PHACTR1: variants seen among roughly 807,000 people sequenced by gnomAD.
The protein encoded by PHACTR1 is RPEL repeat containing 1.
A neutral mutation model predicts 69.2 loss-of-function variants in PHACTR1; 16 were observed. The ratio of observed to expected loss-of-function variants is 0.23; its 90% CI spans 0.16 to 0.35. The LOEUF (loss-of-function observed/expected upper bound fraction) is 0.35. PHACTR1 is among the 10% of genes least tolerant of loss of function. PHACTR1 has a pLI of 1.00. For synonymous variants in PHACTR1, 312 were observed against 284.5 expected (o/e 1.10, Z -0.97); for missense variants, 510 against 734.7 (o/e 0.69, Z 3.54).
Position 13,041,339 on chromosome 6 carries a change from T to TACACACACACACACACACAC in PHACTR1, c.251-12004_251-11985dup, listed in dbSNP as rs368368056. On this transcript the variant is annotated intron_variant, in intron 4 of 14. Transcript: ENST00000332995. The stretch of plus-strand genomic sequence containing the variant: ...AGCCACTGGTGGTAATTAAAATACA[T>TACACACACACACACACACAC]ACACACACACACACACACACACACA... 1.3e-4 allele frequency among the ~76,000 whole-genome samples: 18 copies of TACACACACACACACACACAC among 135,468 alleles called. No homozygotes were observed. The East Asian group carries it at 1.9e-3, about 14-fold the overall frequency. The allele number at this position is 135,468 out of a possible 152,430, so 88.9% of individuals were successfully genotyped here.
intron 5 of PHACTR1, among the ~76,000 whole-genome samples, chr6:13,089,200 C>T (rs1003957601): frequency 6.6e-6 from 1 of 152,186 alleles, no homozygotes; most frequent in Non-Finnish European, 1.5e-5. Flanking sequence ...CCCATCCCTC[C>T]ACCACAAGAA....
intron 8 of PHACTR1, 110 bp downstream of exon 8, chr6:13,206,246 G>A (rs1049301869): frequency 7.0e-6 from 8 of 1,141,414 alleles, no homozygotes; most frequent in Non-Finnish European, 9.6e-6. Flanking sequence ...CATCCCCACT[G>A]GGGGAAAATG....
intron 4 of PHACTR1, among the ~76,000 whole-genome samples, chr6:12,953,240 T>C (rs1427851374): frequency 6.6e-6 from 1 of 152,146 alleles, no homozygotes; most frequent in Admixed American, 6.5e-5. Context: ...GGAGAATCTC[T>C]TGAACCTGGA....
intron 6 of PHACTR1, among the ~76,000 whole-genome samples, chr6:13,175,372 T>C: frequency 6.6e-6 from 1 of 152,090 alleles, no homozygotes. Flanking sequence ...TCAGGCATCA[T>C]CCAACACAGT....
At chr6:12,895,190 T>C (rs1784541593) in intron 4 of PHACTR1, among the ~76,000 whole-genome samples, 1 of 146,494 alleles carries the variant, frequency 6.8e-6, no homozygotes, top group Non-Finnish European at 1.5e-5. Context: ...TTTTTTTTTT[T>C]TTTTTTTTGA....
intron 5 of PHACTR1, among the ~76,000 whole-genome samples, chr6:13,138,144 G>A (rs138143706): frequency 0.01 from 1,586 of 152,242 alleles, 14 homozygotes; most frequent in Non-Finnish European, 0.016. Context: ...CATACTGAAG[G>A]GCCTTAAGGG....
chr6:13,173,788 A>G (rs1760943116), intron 6 of PHACTR1, among the ~76,000 whole-genome samples: 1 of 152,160 alleles, frequency 6.6e-6, no homozygotes, highest in African/African-American at 2.4e-5. Flanking sequence ...GGCTCACTGC[A>G]ACCTCTGCCT....
intron 4 of PHACTR1, among the ~76,000 whole-genome samples, chr6:12,776,022 A>G (rs904253352): frequency 6.6e-6 from 1 of 152,370 alleles, no homozygotes; most frequent in Admixed American, 6.5e-5. Context: ...TCCAGTCTTA[A>G]GAGTCCACTC....
chr6:12,998,254 C>A (rs1797663534), intron 4 of PHACTR1, among the ~76,000 whole-genome samples: 1 of 152,030 alleles, frequency 6.6e-6, no homozygotes, highest in African/African-American at 2.4e-5. Flanking sequence ...TAAAGCAAAG[C>A]CTTGAAACTT....
At chr6:12,814,239 T>G (rs1215167607) in intron 4 of PHACTR1, among the ~76,000 whole-genome samples, 1 of 152,124 alleles carries the variant, frequency 6.6e-6, no homozygotes, top group Non-Finnish European at 1.5e-5. Flanking sequence ...GATAGTGTTG[T>G]GATGAAAGAG....
chr6:13,281,951 G>C (rs531347195), intron 12 of PHACTR1, among the ~76,000 whole-genome samples: 5 of 152,370 alleles, frequency 3.3e-5, no homozygotes, highest in Admixed American at 3.3e-4. Context: ...AGAGCTTCCT[G>C]CCTTTGGCTG....
At chr6:13,252,117 T>G (rs1774512394) in intron 10 of PHACTR1, among the ~76,000 whole-genome samples, 1 of 146,146 alleles carries the variant, frequency 6.8e-6, no homozygotes, top group Admixed American at 6.9e-5. Flanking sequence ...ATGCCCATAA[T>G]CCCAGCACTT....
At chr6:12,736,366 A>T (rs1444941676) in intron 3 of PHACTR1, among the ~76,000 whole-genome samples, 1 of 152,196 alleles carries the variant, frequency 6.6e-6, no homozygotes, top group Non-Finnish European at 1.5e-5. Flanking sequence ...TTTCTAACTC[A>T]TGTTAGATGT....
At chr6:13,046,319 G>A (rs1026830759) in intron 4 of PHACTR1, among the ~76,000 whole-genome samples, 6 of 152,094 alleles carry the variant, frequency 3.9e-5, no homozygotes, top group Non-Finnish European at 8.8e-5. Flanking sequence ...CCAGTTTTTG[G>A]ATTCAGACAG....
At chr6:13,201,865 AG>A in intron 7 of PHACTR1, among the ~76,000 whole-genome samples, 1 of 152,244 alleles carries the variant, frequency 6.6e-6, no homozygotes, top group East Asian at 1.9e-4. Context: ...TTTTAGGGAA[AG>A]ATAGAGACTG....
At chr6:12,831,141 T>C (rs1777536407) in intron 4 of PHACTR1, among the ~76,000 whole-genome samples, 1 of 152,220 alleles carries the variant, frequency 6.6e-6, no homozygotes, top group African/African-American at 2.4e-5. Flanking sequence ...TTCTCTATGT[T>C]TTCTTATTAA....
intron 4 of PHACTR1, among the ~76,000 whole-genome samples, chr6:12,899,544 A>C (rs1003835096): frequency 3.3e-5 from 5 of 152,224 alleles, no homozygotes; most frequent in African/African-American, 9.6e-5. Context: ...CATAAAAATC[A>C]GACACTAAAG....
chr6:12,917,424 G>T (rs1417990188), intron 4 of PHACTR1, among the ~76,000 whole-genome samples: 1 of 152,122 alleles, frequency 6.6e-6, no homozygotes, highest in Non-Finnish European at 1.5e-5. Context: ...TTCATGTTGT[G>T]CTTGCTCCCT....
At chr6:13,269,573 G>A (rs1472542091) in intron 10 of PHACTR1, among the ~76,000 whole-genome samples, 1 of 152,232 alleles carries the variant, frequency 6.6e-6, no homozygotes, top group Non-Finnish European at 1.5e-5. Flanking sequence ...GCTCATGCCT[G>A]TAATCCCAGC....
Sources: allele counts gnomAD v4.1 joint callset (sites outside exome capture counted in the v4.1 genomes callset), GRCh38; gene constraint gnomAD v4.1.1; transcripts MANE v1.5; gene names NCBI Gene and HGNC (gene_info 2026-07-23, HGNC 2026-07-21).